CNTLN: variants seen among roughly 807,000 people sequenced by gnomAD.
CNTLN encodes centlein, centrosomal protein.
CNTLN carries 212 observed loss-of-function variants against 180.0 expected under a neutral mutation model. The observed-to-expected ratio is 1.18, with a 90% CI of 1.05 to 1.32. The LOEUF (loss-of-function observed/expected upper bound fraction) is 1.32, where lower values mean the gene tolerates loss of function less well. Ranked by LOEUF, CNTLN falls within the 40% of genes most tolerant of loss-of-function variation. CNTLN has a pLI of 0.00. For missense variants in CNTLN, 2,095 were observed against 1,610.9 expected (o/e 1.30, Z -5.14); for synonymous variants, 722 against 563.1 (o/e 1.28, Z -3.99).
chr9:17,149,797 A>G (rs1422125954), intron 2 of CNTLN, among the ~76,000 whole-genome samples: 3 of 152,140 alleles, frequency 2.0e-5, no homozygotes, highest in East Asian at 1.9e-4. Context: ...GATTACAGGC[A>G]TGAGCCACTG....
intron 2 of CNTLN, among the ~76,000 whole-genome samples, chr9:17,150,100 TG>T (rs1220568973): frequency 1.3e-5 from 2 of 152,250 alleles, no homozygotes; most frequent in Non-Finnish European, 2.9e-5. Flanking sequence ...TTCTATAGGT[TG>T]CCTGTTCACT....
At chr9:17,263,114 C>A (rs1478865499) in intron 5 of CNTLN, among the ~76,000 whole-genome samples, 1 of 150,636 alleles carries the variant, frequency 6.6e-6, no homozygotes, top group East Asian at 2.0e-4. Context: ...CATATGTATA[C>A]ATGTGCCATG....
At chr9:17,198,124 T>C (rs139219897) in intron 2 of CNTLN, among the ~76,000 whole-genome samples, 3,128 of 152,300 alleles carry the variant, frequency 0.021, 63 homozygotes, top group African/African-American at 0.055. Flanking sequence ...TGCCATGTTT[T>C]GGTTACTATA....
chr9:17,334,617 G>A (rs565651338), intron 10 of CNTLN, among the ~76,000 whole-genome samples: 1 of 152,278 alleles, frequency 6.6e-6, no homozygotes, highest in South Asian at 2.1e-4. Flanking sequence ...GTCCTTTGCA[G>A]CAACATGAGT....
At chr9:17,511,656 A>T in the CNTLN span, among the ~76,000 whole-genome samples, 9 of 149,594 alleles carry the variant, frequency 6.0e-5, no homozygotes, top group African/African-American at 2.2e-4. Context: ...TCTCACACAC[A>T]CACACACACA....
chr9:17,435,169 C>G (rs886113394), intron 18 of CNTLN, among the ~76,000 whole-genome samples: 9 of 152,174 alleles, frequency 5.9e-5, no homozygotes, highest in South Asian at 4.1e-4. Context: ...CCTGCTTTAC[C>G]TCGGTTCTGG....
At chr9:17,328,216 G>A in intron 8 of CNTLN, among the ~76,000 whole-genome samples, 1 of 152,052 alleles carries the variant, frequency 6.6e-6, no homozygotes, top group Non-Finnish European at 1.5e-5. Context: ...GTAAATTAAA[G>A]GTTTGGTACA....
chr9:17,451,905 A>T (rs540988360), intron 18 of CNTLN, among the ~76,000 whole-genome samples: 1 of 152,338 alleles, frequency 6.6e-6, no homozygotes, highest in East Asian at 1.9e-4. Context: ...ATGCTGTAGG[A>T]TGGATATTGT....
intron 12 of CNTLN, among the ~76,000 whole-genome samples, chr9:17,361,499 T>C (rs565074334): frequency 6.6e-6 from 1 of 152,348 alleles, no homozygotes; most frequent in Non-Finnish European, 1.5e-5. Context: ...GTTCTTTGCC[T>C]GGCCTTGTTG....
At chr9:17,454,739 C>T (rs1831011784) in intron 18 of CNTLN, among the ~76,000 whole-genome samples, 1 of 152,174 alleles carries the variant, frequency 6.6e-6, no homozygotes, top group Admixed American at 6.5e-5. Flanking sequence ...CAAGCACCAT[C>T]TCTTTTTAAA....
chr9:17,380,788 C>A (rs771295556), intron 13 of CNTLN, among the ~76,000 whole-genome samples: 2 of 152,160 alleles, frequency 1.3e-5, no homozygotes, highest in African/African-American at 4.8e-5. Context: ...CATTCATAAA[C>A]AATAGCAAGC....
chr9:17,369,494 T>G (rs1824124659), intron 13 of CNTLN, among the ~76,000 whole-genome samples: 1 of 151,916 alleles, frequency 6.6e-6, no homozygotes, highest in Non-Finnish European at 1.5e-5. Context: ...CAAATAACTG[T>G]TTTGAGGAAA....
downstream of CNTLN, among the ~76,000 whole-genome samples, chr9:17,508,291 T>G (rs1282736484): frequency 6.6e-6 from 1 of 152,190 alleles, no homozygotes; most frequent in Non-Finnish European, 1.5e-5. Flanking sequence ...GTTGCAAAAA[T>G]AGTAAGCAGA....
chr9:17,163,597 C>A (rs1056646703), intron 2 of CNTLN, among the ~76,000 whole-genome samples: 1 of 152,114 alleles, frequency 6.6e-6, no homozygotes, highest in African/African-American at 2.4e-5. Flanking sequence ...TTCCACAGTG[C>A]TTATTACAGT....
chr9:17,412,255 T>C (rs1181340986), intron 16 of CNTLN, among the ~76,000 whole-genome samples: 3 of 152,184 alleles, frequency 2.0e-5, no homozygotes, highest in African/African-American at 7.2e-5. Flanking sequence ...TGGTGTCAGA[T>C]GAGTCCCATT....
intron 18 of CNTLN, among the ~76,000 whole-genome samples, chr9:17,426,759 T>C (rs1829108104): frequency 6.6e-6 from 1 of 152,112 alleles, no homozygotes; most frequent in African/African-American, 2.4e-5. Flanking sequence ...GGGATGTTTC[T>C]ACATGTGTGT....
In CNTLN at chr9:17,273,826, A is replaced by T. The variant is rs776441496; in HGVS notation, c.943A>T (p.Thr315Ser). ...ALSLQLSNKQ[T>S]ELIQKDMDIT... The stretch of plus-strand genomic sequence containing the variant: ...ATCATTACAGTTGAGTAATAAACAG[A>T]CTGAACTTATCCAGAAGGATATGGA... The change falls in exon 6 of 26, where the codon ACT (threonine) becomes TCT (serine). Residue 315 changes from threonine (T) to serine (S), a missense_variant. Physicochemically the swap from Thr to Ser is moderately conservative, Grantham distance 58 (BLOSUM62 1). Transcript: ENST00000380647. 7.6e-6 allele frequency: 12 copies of T among 1,573,874 alleles called. No individual in the cohort carries two copies. The highest frequency in any genetic ancestry group is 1.0e-5 in the Non-Finnish European group (12 of 1,164,386).
chr9:17,242,536 C>G (rs999959851), intron 5 of CNTLN, among the ~76,000 whole-genome samples: 1 of 152,124 alleles, frequency 6.6e-6, no homozygotes, highest in African/African-American at 2.4e-5. Context: ...GTCTCGAACT[C>G]CTGACCTCAG....
intron 18 of CNTLN, among the ~76,000 whole-genome samples, chr9:17,437,473 C>G (rs1023686333): frequency 3.3e-5 from 5 of 152,036 alleles, no homozygotes; most frequent in Non-Finnish European, 5.9e-5. Flanking sequence ...CTGGTAGTGT[C>G]CTGATTTTTT....
Sources: gnomAD v4.1 joint callset for allele counts (sites outside exome capture counted in the v4.1 genomes callset) on GRCh38, gnomAD v4.1.1 for gene constraint, MANE v1.5 for transcripts, NCBI Gene and HGNC (gene_info 2026-07-23, HGNC 2026-07-21) for gene names.